The following RTN4 variants were observed in gnomAD, a reference collection of about 807,000 sequenced individuals.
The protein encoded by RTN4 is reticulon-4.
RTN4 carries 32 observed loss-of-function variants against 90.4 expected under a neutral mutation model. The observed-to-expected ratio is 0.35, with a 90% CI of 0.27 to 0.48. The LOEUF (loss-of-function observed/expected upper bound fraction) is 0.48. Ranked by LOEUF, RTN4 falls within the 20% of genes least tolerant of loss-of-function variation. The pLI is 0.99. For missense variants in RTN4, 1,706 were observed against 1,430.2 expected (o/e 1.19, Z -3.11); for synonymous variants, 629 against 552.5 (o/e 1.14, Z -1.94).
chr2:55,046,807 T>G (rs1304668851), intron 1 of RTN4: 1 of 152,202 alleles, frequency 6.6e-6, no homozygotes. Context: ...ACAATGTTCT[T>G]ACACTTACTA....
intron 1 of RTN4, among the ~76,000 whole-genome samples, chr2:55,044,221 GT>G (rs1187459065): frequency 1.3e-5 from 2 of 152,158 alleles, no homozygotes; most frequent in African/African-American, 2.4e-5. Context: ...AAATATAAAA[GT>G]TTTTTTAAAA....
intron 1 of RTN4, among the ~76,000 whole-genome samples, chr2:55,081,802 G>T (rs965762066): frequency 7.1e-6 from 1 of 140,518 alleles, no homozygotes; most frequent in Non-Finnish European, 1.5e-5. Flanking sequence ...GGTGCAGGTT[G>T]CATTGAGTTA....
In RTN4 at chr2:55,049,872, A is replaced by G; in HGVS notation, c.429T>C (p.Pro143=). The change falls in exon 1 of 9, where the codon CCT becomes CCC. Residue 143 remains proline, a synonymous_variant. Transcript: ENST00000337526. The stretch of plus-strand genomic sequence containing the variant: ...TCACGCTGGCCGGGGGAGGAGGGGG[A>G]GGCCGGGCCGGAGGCTCGTCGTCCT... The part of the protein sequence containing the change: ...LPEDDEPPAR[P]PPPPPASVSP... 7.6e-7 allele frequency: 1 copy of G among 1,310,000 alleles called. No individual in the cohort carries two copies. Among genetic ancestry groups the G allele is most frequent in the Non-Finnish European group, 9.7e-7 (1 of 1,032,684 alleles). 81.1% of individuals were successfully genotyped at this position (1,310,000 alleles called of 1,614,324 possible).
upstream of RTN4, among the ~76,000 whole-genome samples, chr2:55,055,396 G>C (rs1306864521): frequency 6.6e-6 from 1 of 152,080 alleles, no homozygotes; most frequent in Non-Finnish European, 1.5e-5. Flanking sequence ...TGTAAGTTCT[G>C]TTATTTAATC....
At chr2:55,088,395 G>A (rs1668881288) in intron 1 of RTN4, among the ~76,000 whole-genome samples, 1 of 152,164 alleles carries the variant, frequency 6.6e-6, no homozygotes, top group Non-Finnish European at 1.5e-5. Flanking sequence ...AACTGTTAGG[G>A]ATTTAATAAT....
the RTN4 span, among the ~76,000 whole-genome samples, chr2:55,119,516 A>G: frequency 0.95 from 144,915 of 152,300 alleles, 69,048 homozygotes; most frequent in African/African-American, 0.98. Context: ...TATTGGATGC[A>G]AGTATAAAAG....
intron 3 of RTN4, among the ~76,000 whole-genome samples, chr2:55,005,186 G>T (rs1289292774): frequency 6.6e-6 from 1 of 152,144 alleles, no homozygotes; most frequent in East Asian, 1.9e-4. Context: ...AGTAAGTAAA[G>T]GAAAATCCCT....
chr2:55,036,908 A>C (rs543752334), intron 1 of RTN4, among the ~76,000 whole-genome samples: 2 of 152,324 alleles, frequency 1.3e-5, no homozygotes, highest in Non-Finnish European at 2.9e-5. Context: ...GCAATCTACC[A>C]GGCTTCTCGT....
intron 2 of RTN4, among the ~76,000 whole-genome samples, chr2:55,072,584 G>T (rs915332785): frequency 2.6e-5 from 4 of 151,990 alleles, no homozygotes; most frequent in African/African-American, 9.7e-5. Flanking sequence ...TGGATCGAGG[G>T]GCATACACAT....
upstream of RTN4, among the ~76,000 whole-genome samples, chr2:55,113,895 C>A (rs556985615): frequency 6.6e-6 from 1 of 152,252 alleles, no homozygotes; most frequent in African/African-American, 2.4e-5. Flanking sequence ...CCCTTCCTGG[C>A]CAAAAACAGA....
chr2:55,087,689 A>C (rs1467622019), intron 1 of RTN4, among the ~76,000 whole-genome samples: 1 of 152,066 alleles, frequency 6.6e-6, no homozygotes, highest in African/African-American at 2.4e-5. Context: ...CTGTGAGACT[A>C]TCTCAAGTGC....
At position 55,026,210 on chromosome 2, in the gene RTN4, G is replaced by T; in HGVS notation, c.1889C>A (p.Ser630Tyr). 3 of 1,613,718 alleles carry T rather than the reference G, an allele frequency of 1.9e-6. No homozygotes were observed. The highest frequency in any genetic ancestry group is 2.5e-6 in the Non-Finnish European group (3 of 1,179,870). The change falls in exon 3 of 9, where the codon TCC becomes TAC. Residue 630 changes from serine (S) to tyrosine (Y), a missense_variant. By Grantham distance (144) the Ser-to-Tyr change is moderately radical. Coordinates refer to ENST00000337526, the MANE Select transcript of RTN4 (RefSeq NM_020532.5). ...TGGTGATGAGCTGGGCTGTATCACG[G>T]AAGCACCAGCACTAGGAACTGCAGA... ...LNSAVPSAGASVIQPSSSPLE... is the reference protein window; with the variant it reads ...LNSAVPSAGAYVIQPSSSPLE...
intron 3 of RTN4, among the ~76,000 whole-genome samples, chr2:55,023,338 T>C (rs1418800433): frequency 1.3e-5 from 2 of 152,158 alleles, no homozygotes; most frequent in Non-Finnish European, 2.9e-5. Flanking sequence ...GCCTTTGGTT[T>C]CCCTAGTCAG....
chr2:55,044,553 A>C (rs1573464974), intron 1 of RTN4, among the ~76,000 whole-genome samples: 1 of 152,204 alleles, frequency 6.6e-6, no homozygotes, highest in East Asian at 1.9e-4. Flanking sequence ...TTTGGTTTTT[A>C]GATTTTTAAA....
intron 1 of RTN4, among the ~76,000 whole-genome samples, chr2:55,081,881 A>AAAAAT (rs1668727094): frequency 6.6e-6 from 1 of 151,206 alleles, no homozygotes; most frequent in Non-Finnish European, 1.5e-5. Context: ...AAAAAAAAAA[A>AAAAAT]TGAGTGAGAG....
At chr2:55,095,758 A>G (rs528193571) in intron 1 of RTN4, among the ~76,000 whole-genome samples, 3 of 152,290 alleles carry the variant, frequency 2.0e-5, no homozygotes, top group East Asian at 1.9e-4. Flanking sequence ...CCCAAGCTCT[A>G]TGCAGATTTC....
Position 55,038,891 on chromosome 2 carries a change from C to G in RTN4, c.557-10671G>C, listed in dbSNP as rs543521356. On this transcript the variant is annotated intron_variant, in intron 1 of 8. Transcript: ENST00000337526. ...GAATACATAATTAAACTGTGCTATT[C>G]TTAGCATGGAATACCACTCAGCAGT... 2.6e-5 allele frequency among the ~76,000 whole-genome samples: 4 copies of G among 152,300 alleles called. No individual in the cohort carries two copies. The South Asian group carries it at 6.2e-4, about 24-fold the overall frequency.
chr2:55,093,012 A>G (rs1430021750), intron 1 of RTN4, among the ~76,000 whole-genome samples: 2 of 152,230 alleles, frequency 1.3e-5, no homozygotes, highest in East Asian at 3.8e-4. Context: ...ACCACTAATA[A>G]AAATAACCAT....
At chr2:55,091,433 T>C (rs1668933031) in intron 1 of RTN4, among the ~76,000 whole-genome samples, 1 of 152,236 alleles carries the variant, frequency 6.6e-6, no homozygotes, top group Non-Finnish European at 1.5e-5. Flanking sequence ...CCCCAATCCC[T>C]AAACTTCTAG....
Sources: gnomAD v4.1 joint callset for allele counts (sites outside exome capture counted in the v4.1 genomes callset) on GRCh38, gnomAD v4.1.1 for gene constraint, MANE v1.5 for transcripts, NCBI Gene and HGNC (gene_info 2026-07-23, HGNC 2026-07-21) for gene names.